Variants in PLCL2 observed in about 807,000 individuals in gnomAD.
PLCL2 encodes the protein phospholipase C like 2, also known as inactive phospholipase C-like protein 2.
Under a neutral mutation model 79.6 loss-of-function variants are expected in PLCL2, and 4 were observed. The ratio of observed to expected loss-of-function variants is 0.05; its 90% CI spans 0.02 to 0.11. The LOEUF is 0.11. Ranked by LOEUF, PLCL2 falls within the 10% of genes least tolerant of loss-of-function variation. The pLI is 1.00. For missense variants in PLCL2, 895 were observed against 1,291.0 expected (o/e 0.69, Z 4.70); for synonymous variants, 484 against 457.7 (o/e 1.06, Z -0.73).
At chr3:17,031,384 A>C (rs1336603106) in intron 3 of PLCL2, among the ~76,000 whole-genome samples, 1 of 152,126 alleles carries the variant, frequency 6.6e-6, no homozygotes, top group Non-Finnish European at 1.5e-5. Flanking sequence ...AGTTCCTTCT[A>C]AGTTGCTAAA....
intron 5 of PLCL2, among the ~76,000 whole-genome samples, chr3:17,074,734 C>A (rs989771297): frequency 6.6e-6 from 1 of 152,242 alleles, no homozygotes; most frequent in Non-Finnish European, 1.5e-5. Flanking sequence ...CTTCGCATTG[C>A]ACTTTGATGT....
chr3:17,042,112 G>T (rs1251977202), intron 3 of PLCL2, among the ~76,000 whole-genome samples: 1 of 152,070 alleles, frequency 6.6e-6, no homozygotes, highest in African/African-American at 2.4e-5. Flanking sequence ...TATCATAATT[G>T]TACCCATTTG....
At chr3:16,899,572 G>A (rs1267226462) in intron 1 of PLCL2, among the ~76,000 whole-genome samples, 1 of 152,114 alleles carries the variant, frequency 6.6e-6, no homozygotes, top group Non-Finnish European at 1.5e-5. Context: ...AATGTGTCCA[G>A]AAGACTGTGT....
At chr3:16,932,348 A>C (rs1206090990) in intron 1 of PLCL2, among the ~76,000 whole-genome samples, 1 of 152,196 alleles carries the variant, frequency 6.6e-6, no homozygotes, top group Non-Finnish European at 1.5e-5. Flanking sequence ...AATAACATGC[A>C]TATTATTTCA....
At chr3:17,022,724 A>G (rs923929283) in intron 3 of PLCL2, among the ~76,000 whole-genome samples, 1 of 152,132 alleles carries the variant, frequency 6.6e-6, no homozygotes, top group Admixed American at 6.6e-5. Flanking sequence ...CTGACTTCTC[A>G]TTTCTGTGGC....
At chr3:16,991,901 A>G (rs951141921) in intron 1 of PLCL2, among the ~76,000 whole-genome samples, 1 of 152,212 alleles carries the variant, frequency 6.6e-6, no homozygotes, top group Non-Finnish European at 1.5e-5. Context: ...GAATTTTACC[A>G]TCATATTTAG....
At chr3:17,021,239 G>T (rs894638002) in intron 3 of PLCL2, among the ~76,000 whole-genome samples, 4 of 152,148 alleles carry the variant, frequency 2.6e-5, no homozygotes, top group Non-Finnish European at 4.4e-5. Flanking sequence ...GAAACCCAAA[G>T]GCTGTTGTTT....
intron 1 of PLCL2, among the ~76,000 whole-genome samples, chr3:16,952,269 C>T (rs1559496283): frequency 7.1e-6 from 1 of 140,490 alleles, no homozygotes; most frequent in Admixed American, 7.7e-5. Context: ...ATAGGTGCAG[C>T]AAACCACCAT....
At chr3:16,959,711 AC>A (rs1559498987) in intron 1 of PLCL2, among the ~76,000 whole-genome samples, 1 of 152,104 alleles carries the variant, frequency 6.6e-6, no homozygotes, top group Admixed American at 6.6e-5. Flanking sequence ...TTGAACACCT[AC>A]TTGGTCGTCA....
At chr3:16,944,576 C>T (rs1162457397) in intron 1 of PLCL2, among the ~76,000 whole-genome samples, 1 of 152,038 alleles carries the variant, frequency 6.6e-6, no homozygotes, top group Non-Finnish European at 1.5e-5. Flanking sequence ...CACAGGCACA[C>T]AGAGATAAAC....
chr3:16,955,643 G>A (rs1287983886), intron 1 of PLCL2, among the ~76,000 whole-genome samples: 39 of 152,004 alleles, frequency 2.6e-4, no homozygotes, highest in African/African-American at 9.2e-4. Flanking sequence ...CACCATATTG[G>A]TTCTTCCTAC....
intron 5 of PLCL2, among the ~76,000 whole-genome samples, chr3:17,088,707 A>G (rs1302541861): frequency 6.6e-6 from 1 of 152,198 alleles, no homozygotes; most frequent in African/African-American, 2.4e-5. Flanking sequence ...ACATTAGGGT[A>G]TGCTAGGGGT....
chr3:16,947,709 G>T (rs1006132675), intron 1 of PLCL2, among the ~76,000 whole-genome samples: 3 of 152,088 alleles, frequency 2.0e-5, no homozygotes, highest in Non-Finnish European at 4.4e-5. Context: ...CTCAGTGACT[G>T]GCAATATTTT....
chr3:17,002,983 T>C (rs919480689), intron 1 of PLCL2, among the ~76,000 whole-genome samples: 2 of 152,134 alleles, frequency 1.3e-5, no homozygotes, highest in African/African-American at 2.4e-5. Flanking sequence ...TGTGGAAATA[T>C]ACCATCTGAT....
intron 1 of PLCL2, among the ~76,000 whole-genome samples, chr3:16,921,257 T>C (rs1697119169): frequency 6.6e-6 from 1 of 152,234 alleles, no homozygotes; most frequent in South Asian, 2.1e-4. Flanking sequence ...GAAAAGAGTC[T>C]TTCAAATAAT....
chr3:17,019,738 CAA>C (rs1228120495), intron 3 of PLCL2, among the ~76,000 whole-genome samples: 1 of 152,102 alleles, frequency 6.6e-6, no homozygotes, highest in Non-Finnish European at 1.5e-5. Flanking sequence ...AAATCCCACT[CAA>C]AGAAATGCAA....
chr3:17,035,439 TCTTC>T (rs2064637232), intron 3 of PLCL2, among the ~76,000 whole-genome samples: 1 of 152,138 alleles, frequency 6.6e-6, no homozygotes, highest in Admixed American at 6.5e-5. Flanking sequence ...TTATCTTGGC[TCTTC>T]CTTCTGTGCC....
At chr3:17,001,921 T>C (rs12233492) in intron 1 of PLCL2, among the ~76,000 whole-genome samples, 88,639 of 151,542 alleles carry the variant, frequency 0.58, 26,149 homozygotes, top group African/African-American at 0.65. Context: ...TGCATTAAAT[T>C]GATAGATCAT....
chr3:16,952,634 A>C (rs1279302573), intron 1 of PLCL2, among the ~76,000 whole-genome samples: 4 of 152,056 alleles, frequency 2.6e-5, no homozygotes, highest in African/African-American at 9.7e-5. Context: ...ATTTGTATAT[A>C]GTATGATCAC....
Sources: allele counts gnomAD v4.1 joint callset (sites outside exome capture counted in the v4.1 genomes callset), GRCh38; gene constraint gnomAD v4.1.1; transcripts MANE v1.5; gene names NCBI Gene and HGNC (gene_info 2026-07-23, HGNC 2026-07-21).